Variants in NGFR observed in about 807,000 individuals in gnomAD.
The protein encoded by NGFR is nerve growth factor receptor.
A neutral mutation model predicts 43.2 loss-of-function variants in NGFR; 30 were observed. The observed-to-expected ratio is 0.69, with a 90% confidence interval of 0.52 to 0.94. The LOEUF (loss-of-function observed/expected upper bound fraction) is 0.94, where lower values mean the gene tolerates loss of function less well. NGFR is among the 40% of genes least tolerant of loss of function. NGFR has a pLI of 0.00. For synonymous variants in NGFR, 246 were observed against 259.6 expected, an observed-to-expected ratio of 0.95 and a Z score of 0.50; for missense variants, 529 against 602.5, an observed-to-expected ratio of 0.88 and a Z score of 1.28.
At chr17:49,507,514 C>T (rs993090005) in intron 3 of NGFR, among the ~76,000 whole-genome samples, 1 of 152,226 alleles carries the variant, frequency 6.6e-6, no homozygotes, top group Non-Finnish European at 1.5e-5. Context: ...TAGCCAAGCA[C>T]AGGCCCCAAG....
chr17:49,513,036 C>A lies in NGFR; in HGVS notation c.*27C>A. 1 of 1,484,444 alleles carries A rather than the reference C, an allele frequency of 6.7e-7. No homozygotes were observed. Among genetic ancestry groups the A allele is most frequent in the East Asian group, 2.4e-5 (1 of 41,292 alleles). The allele number at this position is 1,484,444 out of a possible 1,614,324, so 92.0% of individuals were successfully genotyped here. Reference sequence around the variant, plus strand: ...CCCAACCGGGGAGCCCCCGCCCCGCCCCACATTCCGACAACCGATGCTCCA... The same window carrying A: ...CCCAACCGGGGAGCCCCCGCCCCGCACCACATTCCGACAACCGATGCTCCA... On this transcript the variant is annotated 3_prime_UTR_variant, in exon 6 of 6. Coordinates refer to ENST00000172229, the MANE Select transcript of NGFR (RefSeq NM_002507.4).
Position 49,506,662 on chromosome 17 carries a change from A to G in NGFR, c.568+4A>G. 1 of 779,682 alleles carries G rather than the reference A, an allele frequency of 1.3e-6. No homozygotes were observed. Among genetic ancestry groups the G allele is most frequent in the South Asian group, 4.1e-5 (1 of 24,548 alleles). The allele number at this position is 779,682 out of a possible 1,614,324, so 48.3% of individuals were successfully genotyped here. A position where few individuals can be genotyped will look rare whatever the true frequency, so the allele number is the denominator to read the frequency against. The stretch of plus-strand genomic sequence containing the variant: ...TGGGCCGACGCCGAGTGCGAGGGTG[A>G]GTGCGGTTCGGGGGGCGGGGGGAGT... On this transcript the variant is annotated splice_donor_region_variant and intron_variant, in intron 3 of 5. Coordinates refer to ENST00000172229, the MANE Select transcript of NGFR (RefSeq NM_002507.4).
intron 2 of NGFR, among the ~76,000 whole-genome samples, chr17:49,504,934 G>A (rs1317463328): frequency 6.6e-6 from 1 of 151,916 alleles, no homozygotes; most frequent in African/African-American, 2.4e-5. Flanking sequence ...ACTACACCCA[G>A]CTAATTTTTG....
In NGFR at chr17:49,495,720, A is replaced by G; in HGVS notation, c.66+237A>G. On this transcript the variant is annotated intron_variant, in intron 1 of 5. Coordinates refer to ENST00000172229, the MANE Select transcript of NGFR (RefSeq NM_002507.4). This position sits in a 1 kb window ranked among gnomAD's most constrained non-coding sequence, Gnocchi z 6.4. ...GACCGGAGCACGGATGCCGGTCCTC[A>G]GGTACCGCAGGGGGCGGTGGGGGAG... 2 of 340,050 alleles carry G rather than the reference A, an allele frequency of 5.9e-6. No homozygotes were observed. The highest frequency in any genetic ancestry group is 1.0e-5 in the Non-Finnish European group (2 of 190,698). The allele number at this position is 340,050 out of a possible 1,614,324, so 21.1% of individuals were successfully genotyped here.
rs11466161 is a variant in NGFR, at chr17:49,513,264, C to A, written c.*255C>A. The A allele has an allele frequency of 1.0e-3, 515 of 494,022 alleles. 1 individual carries two copies. Among genetic ancestry groups the A allele is most frequent in the African/African-American group, 9.1e-3 (472 of 51,660 alleles). 30.6% of individuals were successfully genotyped at this position (494,022 alleles called of 1,614,324 possible). ...TGCCTCCCCAACCCTGCCCCTGCCC[C>A]GTCACCATCTCAGGCCACCTGCCCC... On this transcript the variant is annotated 3_prime_UTR_variant, in exon 6 of 6. Coordinates refer to ENST00000172229, the MANE Select transcript of NGFR (RefSeq NM_002507.4).
chr17:49,507,575 G>T (rs1469915078), intron 3 of NGFR, among the ~76,000 whole-genome samples: 1 of 152,214 alleles, frequency 6.6e-6, no homozygotes, highest in Non-Finnish European at 1.5e-5. Context: ...GGGAGCCAGG[G>T]CAGAGCTGTT....
chr17:49,503,610 C>T (rs1366985141), intron 2 of NGFR, among the ~76,000 whole-genome samples: 1 of 152,190 alleles, frequency 6.6e-6, no homozygotes, highest in Non-Finnish European at 1.5e-5. Context: ...GTTCCCCAGA[C>T]ACACTGTTTT....
intron 3 of NGFR, 21 bp downstream of exon 3, chr17:49,506,679 GGGGGGAGTGGGGGTGCGGGGGT>G: frequency 2.1e-4 from 240 of 1,170,664 alleles, no homozygotes; most frequent in Middle Eastern, 3.0e-4. Flanking sequence ...TTCGGGGGGC[GGGGGGAGTGGGGGTGCGGGGGT>G]GGGCTGGGGG....
chr17:49,502,815 TCTTCCTTC>T (rs10672288), intron 2 of NGFR, among the ~76,000 whole-genome samples: 3,911 of 121,556 alleles, frequency 0.032, 85 homozygotes, highest in Middle Eastern at 0.067. Flanking sequence ...GCCTGGGATT[TCTTCCTTC>T]CTTCCTTCCT....
At chr17:49,504,586 TA>T in intron 2 of NGFR, among the ~76,000 whole-genome samples, 1 of 152,270 alleles carries the variant, frequency 6.6e-6, no homozygotes, top group South Asian at 2.1e-4. Context: ...AGAGGTTAAG[TA>T]AAACACCCAA....
intron 2 of NGFR, 54 bp from the exon 3 acceptor site, chr17:49,506,245 C>T (rs923287895): frequency 1.3e-6 from 2 of 1,507,158 alleles, no homozygotes; most frequent in Non-Finnish European, 1.8e-6. Flanking sequence ...CCAGCTCCTG[C>T]GTCCCGGGTG....
At chr17:49,500,174 C>A (rs754066180) in intron 1 of NGFR, among the ~76,000 whole-genome samples, 9 of 151,978 alleles carry the variant, frequency 5.9e-5, no homozygotes, top group Non-Finnish European at 1.0e-4. Context: ...AATACAGAGT[C>A]CCTGAGTCAT....
chr17:49,511,799 C>G, intron 4 of NGFR, 93 bp from the exon 5 acceptor site: 1 of 1,402,560 alleles, frequency 7.1e-7, no homozygotes, highest in Non-Finnish European at 9.4e-7. Context: ...CCCGCCATGC[C>G]CCTGGCCCTC....
In NGFR at chr17:49,512,701, T is replaced by TCTGCAGCC; in HGVS notation, c.983-4_986dup. 6.4e-7 allele frequency: 1 copy of TCTGCAGCC among 1,569,402 alleles called. No homozygotes were observed. Among genetic ancestry groups the TCTGCAGCC allele is most frequent in the Non-Finnish European group, 8.6e-7 (1 of 1,156,348 alleles). On this transcript the variant is annotated splice_region_variant and splice_polypyrimidine_tract_variant and intron_variant, in intron 5 of 5. Transcript: ENST00000172229. The surrounding 1 kb of genome is among the most constrained non-coding windows in gnomAD (Gnocchi z 5.2). ...TAGGACCTGACTCTCCTCTGGTTTC[T>TCTGCAGCC]CTGCAGCCCTCAAGGGTGACGGAGG...
Position 49,506,678 on chromosome 17 carries a change from C to CGGGG in NGFR, c.568+23_568+26dup. On this transcript the variant is annotated intron_variant, in intron 3 of 5. Coordinates refer to ENST00000172229, the MANE Select transcript of NGFR (RefSeq NM_002507.4). ...GCGAGGGTGAGTGCGGTTCGGGGGG[C>CGGGG]GGGGGGAGTGGGGGTGCGGGGGTGG... 1 of 84,924 alleles carries CGGGG rather than the reference C, an allele frequency of 1.2e-5. No individual in the cohort carries two copies. The allele number at this position is 84,924 out of a possible 1,614,324, so 5.3% of individuals were successfully genotyped here.
At chr17:49,501,999 A>AAGGCCCCCCCCCCCC in intron 1 of NGFR, 64 bp from the exon 2 acceptor site, 1 of 330,984 alleles carries the variant, frequency 3.0e-6, no homozygotes, top group Non-Finnish European at 5.9e-6. Flanking sequence ...TCCCCGGAAG[A>AAGGCCCCCCCCCCCC]ACCCCCCCCA....
At chr17:49,506,174 C>A in intron 2 of NGFR, 125 bp from the exon 3 acceptor site, 1 of 1,466,978 alleles carries the variant, frequency 6.8e-7, no homozygotes, top group Non-Finnish European at 9.0e-7. Context: ...AGGGTGGGAG[C>A]CGATGAGAAG....
chr17:49,506,226 G>A, intron 2 of NGFR, 73 bp from the exon 3 acceptor site: 1 of 1,502,196 alleles, frequency 6.7e-7, no homozygotes, highest in Non-Finnish European at 8.8e-7. Context: ...AATAGGGGAG[G>A]GAGAGACTCC....
chr17:49,495,755 G>T lies in NGFR; in HGVS notation c.66+272G>T. The stretch of plus-strand genomic sequence containing the variant: ...GGGGGCGGTGGGGGAGCTGGGAGGG[G>T]TCTTTCAAGAGGGGGCATGGGGCTC... On this transcript the variant is annotated intron_variant, in intron 1 of 5. Coordinates refer to ENST00000172229, the MANE Select transcript of NGFR (RefSeq NM_002507.4). The surrounding 1 kb of genome is among the most constrained non-coding windows in gnomAD (Gnocchi z 6.4). 7.9e-6 allele frequency: 3 copies of T among 378,268 alleles called. No individual in the cohort carries two copies. Among genetic ancestry groups the T allele is most frequent in the African/African-American group, 2.1e-5 (1 of 48,152 alleles). The allele number at this position is 378,268 out of a possible 1,614,324, so 23.4% of individuals were successfully genotyped here. A position where few individuals can be genotyped will look rare whatever the true frequency, so the allele number is the denominator to read the frequency against.
Sources: gnomAD v4.1 joint callset for allele counts (sites outside exome capture counted in the v4.1 genomes callset) on GRCh38, gnomAD v4.1.1 for gene constraint, Gnocchi (gnomAD v3.1) non-coding constraint, MANE v1.5 for transcripts, NCBI Gene and HGNC (gene_info 2026-07-23, HGNC 2026-07-21) for gene names.